DRC11: variants seen among roughly 807,000 people sequenced by gnomAD.
DRC11 encodes IQ and AAA domain-containing protein 1.
the DRC11 span, among the ~76,000 whole-genome samples, chr2:236,374,163 T>C: frequency 4.5e-4 from 68 of 152,266 alleles, no homozygotes; most frequent in East Asian, 1.4e-3. Context: ...AGCTTGTACT[T>C]TGGGGCTCAA....
the DRC11 span, among the ~76,000 whole-genome samples, chr2:236,327,990 T>C: frequency 2.6e-5 from 4 of 152,248 alleles, no homozygotes; most frequent in South Asian, 8.3e-4. Flanking sequence ...TCAAAAGTTC[T>C]ATTTGGTTCT....
the DRC11 span, among the ~76,000 whole-genome samples, chr2:236,460,040 G>A: frequency 6.8e-4 from 104 of 152,140 alleles, no homozygotes; most frequent in East Asian, 0.019. This position sits in a 1 kb window ranked among gnomAD's most constrained non-coding sequence, Gnocchi z 4.0. Flanking sequence ...AGGACTGACC[G>A]TGTTTCATGT....
chr2:236,396,823 T>C, the DRC11 span, among the ~76,000 whole-genome samples: 2 of 152,198 alleles, frequency 1.3e-5, no homozygotes, highest in African/African-American at 4.8e-5. Context: ...ATTGAGCCGA[T>C]TATAGGCCAG....
the DRC11 span, among the ~76,000 whole-genome samples, chr2:236,452,012 C>T: frequency 2.0e-5 from 3 of 152,142 alleles, no homozygotes; most frequent in Non-Finnish European, 4.4e-5. This position sits in a 1 kb window ranked among gnomAD's most constrained non-coding sequence, Gnocchi z 4.7. Flanking sequence ...CTGGGGAGGG[C>T]AATGTTAATT....
chr2:236,327,102 C>G, the DRC11 span, among the ~76,000 whole-genome samples: 4 of 152,076 alleles, frequency 2.6e-5, no homozygotes, highest in Admixed American at 2.0e-4. Flanking sequence ...TCTACAGCTG[C>G]TTCTATAAGA....
chr2:236,489,579 G>C, the DRC11 span, among the ~76,000 whole-genome samples: 4 of 152,148 alleles, frequency 2.6e-5, no homozygotes, highest in Non-Finnish European at 4.4e-5. Context: ...GGCTTGGGGG[G>C]TGTCCATGCA....
At chr2:236,401,840 G>C in the DRC11 span, among the ~76,000 whole-genome samples, 2 of 152,096 alleles carry the variant, frequency 1.3e-5, no homozygotes, top group Non-Finnish European at 2.9e-5. The surrounding 1 kb of genome is among the most constrained non-coding windows in gnomAD (Gnocchi z 4.6). Flanking sequence ...CCACTGTCAC[G>C]CTACTTCACT....
the DRC11 span, among the ~76,000 whole-genome samples, chr2:236,374,837 C>T: frequency 4.7e-5 from 7 of 149,912 alleles, no homozygotes; most frequent in African/African-American, 1.2e-4. Flanking sequence ...ATTACAGGCG[C>T]GTGCCACCAT....
chr2:236,405,367 G>C, the DRC11 span, among the ~76,000 whole-genome samples: 1 of 151,628 alleles, frequency 6.6e-6, no homozygotes, highest in African/African-American at 2.4e-5. The surrounding 1 kb of genome is among the most constrained non-coding windows in gnomAD (Gnocchi z 4.6). Context: ...AGCATGCCAT[G>C]ATCTGTGGTT....
chr2:236,387,797 G>A, the DRC11 span, among the ~76,000 whole-genome samples: 1 of 151,988 alleles, frequency 6.6e-6, no homozygotes, highest in Non-Finnish European at 1.5e-5. Context: ...GCAGTGGCTG[G>A]TACCGGTTGT....
At chr2:236,357,023 CTATA>C in the DRC11 span, among the ~76,000 whole-genome samples, 1,339 of 107,966 alleles carry the variant, frequency 0.012, 30 homozygotes, top group Middle Eastern at 0.027. Flanking sequence ...TATTATATAT[CTATA>C]TATTTATATA....
the DRC11 span, among the ~76,000 whole-genome samples, chr2:236,506,654 G>C: frequency 6.6e-6 from 1 of 152,324 alleles, no homozygotes; most frequent in South Asian, 2.1e-4. The surrounding 1 kb of genome is among the most constrained non-coding windows in gnomAD (Gnocchi z 4.9). Flanking sequence ...CTACGTTACA[G>C]GGTTGCTGTG....
chr2:236,459,534 C>CGTATACAT, the DRC11 span, among the ~76,000 whole-genome samples: 4 of 70,104 alleles, frequency 5.7e-5, no homozygotes, highest in African/African-American at 1.7e-4. Flanking sequence ...TACATGTATA[C>CGTATACAT]GTATACGTAT....
the DRC11 span, among the ~76,000 whole-genome samples, chr2:236,466,246 T>C: frequency 6.6e-6 from 1 of 152,222 alleles, no homozygotes; most frequent in South Asian, 2.1e-4. Flanking sequence ...TTTCTATCTG[T>C]CTAGAATTTA....
At chr2:236,487,463 T>C in the DRC11 span, among the ~76,000 whole-genome samples, 2 of 152,198 alleles carry the variant, frequency 1.3e-5, no homozygotes, top group Admixed American at 6.5e-5. Context: ...TTATATCACC[T>C]TGCCATCTGC....
the DRC11 span, among the ~76,000 whole-genome samples, chr2:236,425,203 A>G: frequency 2.0e-5 from 3 of 151,914 alleles, no homozygotes; most frequent in Admixed American, 2.0e-4. Flanking sequence ...TGGATCATAT[A>G]GTTCTATTTT....
chr2:236,497,637 T>G, the DRC11 span: 1 of 611,306 alleles, frequency 1.6e-6, no homozygotes, highest in African/African-American at 1.8e-5. This position sits in a 1 kb window ranked among gnomAD's most constrained non-coding sequence, Gnocchi z 5.1. Flanking sequence ...GATAGACAAT[T>G]TATATCCTGT....
the DRC11 span, among the ~76,000 whole-genome samples, chr2:236,448,341 C>T: frequency 0.023 from 3,486 of 152,244 alleles, 133 homozygotes; most frequent in African/African-American, 0.079. This position sits in a 1 kb window ranked among gnomAD's most constrained non-coding sequence, Gnocchi z 5.3. Context: ...AACCTTAAAG[C>T]AAGTGAAGGA....
the DRC11 span, chr2:236,324,723 T>C: frequency 6.2e-7 from 1 of 1,603,524 alleles, no homozygotes; most frequent in East Asian, 2.2e-5. The surrounding 1 kb of genome is among the most constrained non-coding windows in gnomAD (Gnocchi z 5.7). Context: ...GCCTTTTCTG[T>C]GCTGCCTCCT....
Sources: allele counts gnomAD v4.1 joint callset (sites outside exome capture counted in the v4.1 genomes callset), GRCh38; gene constraint gnomAD v4.1.1; non-coding constraint Gnocchi (gnomAD v3.1); transcripts MANE v1.5; gene names NCBI Gene and HGNC (gene_info 2026-07-23, HGNC 2026-07-21).